ZFHX3: variants seen among roughly 807,000 people sequenced by gnomAD.
ZFHX3 encodes the protein zinc finger homeobox 3, also known as zinc finger homeobox protein 3.
ZFHX3 carries 42 observed loss-of-function variants against 279.1 expected under a neutral mutation model. The observed-to-expected ratio is 0.15, with a 90% CI of 0.12 to 0.19. The LOEUF is 0.19. Ranked by LOEUF, ZFHX3 falls within the 10% of genes least tolerant of loss-of-function variation. The pLI is 1.00. For missense variants in ZFHX3, 4,981 were observed against 4,754.0 expected (o/e 1.05, Z -1.40); for synonymous variants, 2,293 against 1,957.8 (o/e 1.17, Z -4.52).
At chr16:73,844,470 C>G (rs1961392419) in intron 1 of ZFHX3, among the ~76,000 whole-genome samples, 1 of 152,160 alleles carries the variant, frequency 6.6e-6, no homozygotes, top group African/African-American at 2.4e-5. Context: ...ATGGAGACTT[C>G]CTATGTGACA....
Position 73,130,794 on chromosome 16 carries a change from G to T in ZFHX3, c.-897+174C>A, listed in dbSNP as rs1020992059. ...GGCTAATTTTTGTATTTTTAGTAGA[G>T]ACAGGGTTTCGCCATGTTGGCCAGG... On this transcript the variant is annotated intron_variant, in intron 7 of 17. Transcript: ENST00000641206. Among the ~76,000 whole-genome samples, 4 of 152,190 alleles carry T rather than the reference G, an allele frequency of 2.6e-5. 1 individual carries two copies. The highest frequency in any genetic ancestry group is 5.9e-5 in the Non-Finnish European group (4 of 68,040).
At chr16:73,638,582 A>G (rs1293546759) in intron 2 of ZFHX3, among the ~76,000 whole-genome samples, 1 of 152,180 alleles carries the variant, frequency 6.6e-6, no homozygotes, top group African/African-American at 2.4e-5. Context: ...AGTATTTTGT[A>G]TGCTTACATA....
intron 4 of ZFHX3, among the ~76,000 whole-genome samples, chr16:73,300,172 C>T (rs1490970453): frequency 6.6e-6 from 1 of 151,214 alleles, no homozygotes; most frequent in African/African-American, 2.4e-5. Flanking sequence ...AGGCTTGAGC[C>T]CAGATGGCTT....
At chr16:73,360,268 C>G (rs548928752) in intron 3 of ZFHX3, among the ~76,000 whole-genome samples, 1 of 152,304 alleles carries the variant, frequency 6.6e-6, no homozygotes, top group East Asian at 1.9e-4. Context: ...TTAATTATCA[C>G]AACCACCCAA....
chr16:73,585,982 T>C (rs1157827834), intron 2 of ZFHX3, among the ~76,000 whole-genome samples: 2 of 152,018 alleles, frequency 1.3e-5, no homozygotes, highest in Non-Finnish European at 2.9e-5. Flanking sequence ...AAAATGTATA[T>C]GGAAACACAA....
intron 4 of ZFHX3, among the ~76,000 whole-genome samples, chr16:72,856,472 G>C (rs994961561): frequency 3.3e-5 from 5 of 152,204 alleles, no homozygotes; most frequent in African/African-American, 1.2e-4. Context: ...TTAACTAAGA[G>C]GGATACGCAG....
intron 1 of ZFHX3, among the ~76,000 whole-genome samples, chr16:72,981,861 C>T (rs547039273): frequency 6.7e-6 from 1 of 149,806 alleles, no homozygotes; most frequent in Non-Finnish European, 1.5e-5. Flanking sequence ...ATGCACACAG[C>T]GTTTTACACA....
chr16:73,365,155 C>T (rs982061862), intron 3 of ZFHX3, among the ~76,000 whole-genome samples: 2 of 152,246 alleles, frequency 1.3e-5, no homozygotes, highest in Non-Finnish European at 2.9e-5. Context: ...GATTACTGAG[C>T]CTCTGTGGAG....
chr16:73,046,793 G>C (rs914394673), intron 1 of ZFHX3, among the ~76,000 whole-genome samples: 4 of 152,036 alleles, frequency 2.6e-5, no homozygotes, highest in Non-Finnish European at 5.9e-5. Context: ...GACCCAGTAT[G>C]AAGGAGAGGC....
chr16:73,438,329 TG>T (rs1298235497), intron 3 of ZFHX3, among the ~76,000 whole-genome samples: 1 of 152,224 alleles, frequency 6.6e-6, no homozygotes, highest in Non-Finnish European at 1.5e-5. Flanking sequence ...GATGTTTCTC[TG>T]CAGAAGGGTG....
intron 1 of ZFHX3, chr16:73,815,788 C>T (rs1313641562): frequency 6.6e-6 from 1 of 152,216 alleles, no homozygotes; most frequent in Admixed American, 6.5e-5. Context: ...TAGTATCAAA[C>T]TCCTGACCTC....
rs2144454614 is a variant in ZFHX3, at chr16:72,959,663, A to C, written c.483T>G (p.Ser161Arg). ...AAAGCGAGGGGAGAGGCCCACTGCC[A>C]CTGCCACTCCCACAGGCGCCCCCGC... ...TQGGGACGSG[S>R]GSGPLPSLFL... Residue 161 changes from serine (S) to arginine (R), a missense_variant, in exon 2 of 10, where the codon AGT (serine) becomes AGG (arginine). By Grantham distance (110) the Ser-to-Arg change is moderately radical. Around this residue, in one of 7 missense-constraint regions of ZFHX3, gnomAD observed 1,068 missense variants for 935.2 expected, o/e 1.14. Coordinates refer to ENST00000268489, the MANE Select transcript of ZFHX3 (RefSeq NM_006885.4). 3 of 1,613,734 alleles carry C rather than the reference A, an allele frequency of 1.9e-6. No individual in the cohort carries two copies. The highest frequency in any genetic ancestry group is 1.7e-6 in the Non-Finnish European group (2 of 1,179,968).
intron 1 of ZFHX3, among the ~76,000 whole-genome samples, chr16:73,773,023 G>T (rs1052924085): frequency 1.2e-4 from 18 of 152,186 alleles, no homozygotes; most frequent in Non-Finnish European, 1.9e-4. Context: ...AGGATTTTGG[G>T]TCCTTAGACC....
chr16:73,033,928 T>A (rs1964803065), intron 1 of ZFHX3, among the ~76,000 whole-genome samples: 1 of 152,206 alleles, frequency 6.6e-6, no homozygotes, highest in South Asian at 2.1e-4. Flanking sequence ...TGAAAGCATC[T>A]GAAAGCAGCA....
intron 2 of ZFHX3, among the ~76,000 whole-genome samples, chr16:73,528,972 A>G (rs754728481): frequency 5.3e-5 from 8 of 152,222 alleles, no homozygotes; most frequent in Non-Finnish European, 1.2e-4. Context: ...GTTCCATAAC[A>G]TGTTTAACAA....
chr16:73,199,240 G>A (rs1597216175), intron 5 of ZFHX3, among the ~76,000 whole-genome samples: 1 of 152,328 alleles, frequency 6.6e-6, no homozygotes, highest in Non-Finnish European at 1.5e-5. Context: ...AGAATGGGGC[G>A]TAACGGGGTA....
chr16:72,864,297 A>C (rs936739434), intron 4 of ZFHX3, among the ~76,000 whole-genome samples: 5 of 152,142 alleles, frequency 3.3e-5, no homozygotes, highest in Admixed American at 3.3e-4. Context: ...CTGGCCACCC[A>C]CATTGACCAC....
chr16:73,290,988 T>C (rs1597265765), intron 4 of ZFHX3, among the ~76,000 whole-genome samples: 1 of 152,174 alleles, frequency 6.6e-6, no homozygotes, highest in African/African-American at 2.4e-5. Context: ...GCTGGTGATA[T>C]CTGCAGCAGA....
chr16:72,963,587 C>A (rs1597025873), intron 1 of ZFHX3, among the ~76,000 whole-genome samples: 1 of 152,200 alleles, frequency 6.6e-6, no homozygotes, highest in East Asian at 1.9e-4. Flanking sequence ...ACCTGTAAAG[C>A]CCACTGCATC....
Sources: allele counts gnomAD v4.1 joint callset (sites outside exome capture counted in the v4.1 genomes callset), GRCh38; gene constraint gnomAD v4.1.1; regional missense constraint gnomAD v4.1.1; transcripts MANE v1.5; gene names NCBI Gene and HGNC (gene_info 2026-07-23, HGNC 2026-07-21).